Variants in BRAF observed in about 807,000 individuals in gnomAD.
BRAF encodes B-Raf proto-oncogene, serine/threonine kinase.
A neutral mutation model predicts 104.6 loss-of-function variants in BRAF; 16 were observed. That is an observed-to-expected ratio of 0.15 (90% CI 0.10 to 0.23). The LOEUF (loss-of-function observed/expected upper bound fraction) is 0.23, where lower values mean the gene tolerates loss of function less well. BRAF is among the 10% of genes least tolerant of loss of function. The pLI is 1.00. For synonymous variants in BRAF, 310 were observed against 341.6 expected (o/e 0.91, Z 1.02); for missense variants, 541 against 937.3 (o/e 0.58, Z 5.52).
intron 14 of BRAF, among the ~76,000 whole-genome samples, chr7:140,771,119 C>T (rs917552527): frequency 1.3e-5 from 2 of 152,098 alleles, no homozygotes; most frequent in African/African-American, 4.8e-5. Flanking sequence ...AAAATGTTAC[C>T]TATCCATTTT....
chr7:140,753,933 G>A (rs1797993901), intron 15 of BRAF: 3 of 539,790 alleles, frequency 5.6e-6, no homozygotes, highest in South Asian at 4.1e-5. Flanking sequence ...CTGATAAAAT[G>A]TAAGCAAGCA....
intron 18 of BRAF, among the ~76,000 whole-genome samples, chr7:140,736,584 C>T (rs1240558907): frequency 2.0e-5 from 3 of 151,856 alleles, no homozygotes; most frequent in African/African-American, 7.2e-5. Flanking sequence ...TGTGCCACCA[C>T]GCCTGGCTAA....
At chr7:140,800,891 T>G in intron 6 of BRAF, 1 of 288,278 alleles carries the variant, frequency 3.5e-6, no homozygotes, top group South Asian at 3.4e-5. Context: ...GATAATAGAC[T>G]CAGTCTAATC....
At chr7:140,741,394 C>T (rs929337317) in intron 17 of BRAF, 2 of 152,166 alleles carry the variant, frequency 1.3e-5, no homozygotes, top group Non-Finnish European at 2.9e-5. Context: ...GCCGCTGCTC[C>T]TACTCTGCTT....
chr7:140,785,207 C>T (rs1372956952), intron 10 of BRAF, among the ~76,000 whole-genome samples: 2 of 151,998 alleles, frequency 1.3e-5, no homozygotes, highest in Admixed American at 1.3e-4. Context: ...GCTAGTATTA[C>T]AGAATCTGAA....
At chr7:140,800,305 A>T in intron 7 of BRAF, 57 bp downstream of exon 7, 1 of 1,612,364 alleles carries the variant, frequency 6.2e-7, no homozygotes. Context: ...TAACCAGGAG[A>T]TCCAAAAGAA....
chr7:140,877,002 G>C (rs1237742415), intron 1 of BRAF, among the ~76,000 whole-genome samples: 1 of 151,906 alleles, frequency 6.6e-6, no homozygotes. Flanking sequence ...CCAAACACCT[G>C]GAAATTAAAC....
intron 17 of BRAF, chr7:140,741,322 G>A (rs1796896697): frequency 6.6e-6 from 1 of 152,180 alleles, no homozygotes; most frequent in Non-Finnish European, 1.5e-5. Context: ...ATACAGTTAA[G>A]TAAGTAACAG....
At chr7:140,847,321 G>A (rs1267604) in intron 2 of BRAF, among the ~76,000 whole-genome samples, 4 of 152,048 alleles carry the variant, frequency 2.6e-5, no homozygotes, top group East Asian at 3.9e-4. Context: ...GGTGGCTCAC[G>A]CCTGTAATCC....
At chr7:140,743,844 C>T (rs1000789904) in intron 17 of BRAF, among the ~76,000 whole-genome samples, 1 of 152,130 alleles carries the variant, frequency 6.6e-6, no homozygotes. Context: ...TGGGCTCCAA[C>T]GAATGGGTAA....
At position 140,918,900 on chromosome 7, in the gene BRAF, G is replaced by A. The variant is rs371385095; in HGVS notation, c.138+5666C>T. Among the ~76,000 whole-genome samples the A allele has an allele frequency of 7.1e-4, 108 of 152,322 alleles. 4 individuals carry two copies. In the South Asian group the frequency reaches 0.022, roughly 31 times the overall value. ...CACGCCTGTAATCCCAGCACTTTGGGAGGCTGAGGCGGGCAGATCACGAGG... is the reference window on the plus strand; with the variant it reads ...CACGCCTGTAATCCCAGCACTTTGGAAGGCTGAGGCGGGCAGATCACGAGG... On this transcript the variant is annotated intron_variant, in intron 1 of 19. Transcript: ENST00000644969.
intron 14 of BRAF, among the ~76,000 whole-genome samples, chr7:140,766,765 G>T (rs1265316358): frequency 1.3e-5 from 2 of 151,968 alleles, no homozygotes; most frequent in South Asian, 4.2e-4. Context: ...GCCTAGGGTG[G>T]TCTCAAACTC....
In BRAF at chr7:140,909,157, G is replaced by C. The variant is rs561027280; in HGVS notation, c.138+15409C>G. ...ATGTAATTCAGAGGCTGGGCACAGT[G>C]GTTCATGCCTGTAATCCCAGCACTT... On this transcript the variant is annotated intron_variant, in intron 1 of 19. Transcript: ENST00000644969. Among the ~76,000 whole-genome samples, 115 of 152,284 alleles carry C rather than the reference G, an allele frequency of 7.6e-4. 2 individuals are homozygous for C. In the South Asian group the frequency reaches 0.011, roughly 15 times the overall value.
intron 3 of BRAF, among the ~76,000 whole-genome samples, chr7:140,832,691 C>T (rs1482497410): frequency 6.6e-6 from 1 of 152,108 alleles, no homozygotes; most frequent in African/African-American, 2.4e-5. Flanking sequence ...CTTATTTAAT[C>T]TAAGCCTAGC....
In BRAF at chr7:140,888,038, A is replaced by T. The variant is rs868426242; in HGVS notation, c.138+36528T>A. ...CAGGCACATGCCACCATGCCTGGCTAATTTTTTGCGTTTTTAATAGAGACG... is the reference window on the plus strand; with the variant it reads ...CAGGCACATGCCACCATGCCTGGCTTATTTTTTGCGTTTTTAATAGAGACG... On this transcript the variant is annotated intron_variant, in intron 1 of 19. Coordinates refer to ENST00000644969, the MANE Select transcript of BRAF (RefSeq NM_001374258.1). 3.3e-5 allele frequency among the ~76,000 whole-genome samples: 5 copies of T among 152,136 alleles called. No homozygotes were observed. The Middle Eastern group carries it at 0.01, about 310-fold the overall frequency.
chr7:140,754,149 T>C (rs763643518), intron 15 of BRAF, 38 bp downstream of exon 14: 2 of 1,591,214 alleles, frequency 1.3e-6, no homozygotes, highest in Non-Finnish European at 8.6e-7. Context: ...AAAGTCAGGA[T>C]GTTTTCAAAC....
intron 14 of BRAF, among the ~76,000 whole-genome samples, chr7:140,768,830 T>C (rs941700659): frequency 4.6e-5 from 7 of 151,198 alleles, no homozygotes; most frequent in Non-Finnish European, 1.5e-5. Context: ...TGAAAGGGGG[T>C]TGCTATAGAG....
chr7:140,904,153 G>A (rs774017739), intron 1 of BRAF, among the ~76,000 whole-genome samples: 1 of 152,154 alleles, frequency 6.6e-6, no homozygotes, highest in Non-Finnish European at 1.5e-5. Flanking sequence ...AGAAAGCATC[G>A]CCTGGTACAG....
chr7:140,727,337 C>T (rs1456069476), intron 19 of BRAF, among the ~76,000 whole-genome samples: 1 of 152,020 alleles, frequency 6.6e-6, no homozygotes, highest in African/African-American at 2.4e-5. Flanking sequence ...GCATCCGCCA[C>T]CAGGCCTGGC....
Sources: allele counts gnomAD v4.1 joint callset (sites outside exome capture counted in the v4.1 genomes callset), GRCh38; gene constraint gnomAD v4.1.1; transcripts MANE v1.5; gene names NCBI Gene and HGNC (gene_info 2026-07-23, HGNC 2026-07-21).